The following CMIP variants were observed in gnomAD, a reference collection of about 807,000 sequenced individuals.
CMIP encodes c-Maf inducing protein.
Under a neutral mutation model 97.3 loss-of-function variants are expected in CMIP, and 13 were observed. That is an observed-to-expected ratio of 0.13 (90% CI 0.09 to 0.21). The LOEUF (loss-of-function observed/expected upper bound fraction) is 0.21. Among genes scored for constraint, CMIP ranks in the 10% least tolerant of loss-of-function variants. The pLI is 1.00. For synonymous variants in CMIP, 538 were observed against 436.3 expected, an observed-to-expected ratio of 1.23 and a Z score of -2.91; for missense variants, 847 against 1,024.9, an observed-to-expected ratio of 0.83 and a Z score of 2.37.
chr16:81,702,438 C>T (rs991640190), intron 16 of CMIP, among the ~76,000 whole-genome samples, 184 bp from the exon 17 acceptor site: 3 of 152,022 alleles, frequency 2.0e-5, no homozygotes, highest in Non-Finnish European at 2.9e-5. Context: ...TTGGGATCAC[C>T]CTCCAGTAAA....
At chr16:81,499,539 G>A (rs938524892) in intron 1 of CMIP, among the ~76,000 whole-genome samples, 1 of 152,204 alleles carries the variant, frequency 6.6e-6, no homozygotes, top group Non-Finnish European at 1.5e-5. Flanking sequence ...CTTAGCATCC[G>A]CCTGTCCCGG....
intron 10 of CMIP, among the ~76,000 whole-genome samples, chr16:81,686,986 A>C (rs938085874): frequency 6.6e-6 from 1 of 151,896 alleles, no homozygotes. Flanking sequence ...GCGCCTCCCC[A>C]ACACAGACCA....
chr16:81,534,472 A>G (rs1243678361), intron 1 of CMIP, among the ~76,000 whole-genome samples: 1 of 152,118 alleles, frequency 6.6e-6, no homozygotes, highest in African/African-American at 2.4e-5. Flanking sequence ...TTACTCTCCA[A>G]CTTTTTTTGT....
intron 1 of CMIP, among the ~76,000 whole-genome samples, chr16:81,572,624 AG>A (rs1370812708): frequency 1.3e-5 from 2 of 152,164 alleles, no homozygotes; most frequent in African/African-American, 4.8e-5. Flanking sequence ...CGACTTCCCC[AG>A]GGTGCCCGGC....
chr16:81,664,899 C>T (rs1267886461), intron 7 of CMIP: 4 of 164,718 alleles, frequency 2.4e-5, no homozygotes, highest in Non-Finnish European at 5.2e-5. Context: ...AACCCATCAC[C>T]CCATTCCAAT....
chr16:81,475,174 C>T (rs1167697234), intron 1 of CMIP, among the ~76,000 whole-genome samples: 2 of 152,128 alleles, frequency 1.3e-5, no homozygotes, highest in African/African-American at 4.8e-5. Context: ...CTGTCTCTTT[C>T]TCTCTCTGTC....
chr16:81,711,389 A>G lies in CMIP; in HGVS notation c.*1590A>G, dbSNP rs2151117949. The G allele has an allele frequency of 6.6e-6, 1 of 152,320 alleles. No individual in the cohort carries two copies. 9.4% of individuals were successfully genotyped at this position (152,320 alleles called of 1,614,324 possible). ...CTCATTTTTTTAAAAAAGGAAAAAA[A>G]AAAGAAACTGGGTTCCAGTCTTAAT... is the stretch of plus-strand genomic sequence containing the variant. On this transcript the variant is annotated 3_prime_UTR_variant, in exon 21 of 21. Transcript: ENST00000537098.
At chr16:81,495,075 T>A (rs1188800466) in intron 1 of CMIP, among the ~76,000 whole-genome samples, 1 of 152,216 alleles carries the variant, frequency 6.6e-6, no homozygotes, top group Non-Finnish European at 1.5e-5. Flanking sequence ...TTAGGTGACC[T>A]CTCTGAGCTT....
At chr16:81,675,468 C>T (rs1200045188) in intron 9 of CMIP, among the ~76,000 whole-genome samples, 2 of 151,692 alleles carry the variant, frequency 1.3e-5, no homozygotes, top group African/African-American at 4.8e-5. Flanking sequence ...AAATGCCCCC[C>T]TTAGCCTCCA....
intron 5 of CMIP, among the ~76,000 whole-genome samples, chr16:81,659,675 G>C (rs2092523724): frequency 6.6e-6 from 1 of 152,330 alleles, no homozygotes; most frequent in South Asian, 2.1e-4. Context: ...TGGAGGACAA[G>C]GGCTTGCATT....
At chr16:81,507,857 T>A in intron 1 of CMIP, among the ~76,000 whole-genome samples, 1 of 152,156 alleles carries the variant, frequency 6.6e-6, no homozygotes. Flanking sequence ...GCTGTGAGGG[T>A]AGCACTCAGT....
At chr16:81,580,027 T>G (rs142435932) in intron 1 of CMIP, among the ~76,000 whole-genome samples, 15 of 152,378 alleles carry the variant, frequency 9.8e-5, no homozygotes, top group African/African-American at 3.6e-4. Context: ...TAACTGTGGC[T>G]CAACTTGTCT....
intron 1 of CMIP, among the ~76,000 whole-genome samples, chr16:81,584,011 A>G (rs894501860): frequency 2.0e-5 from 3 of 152,200 alleles, no homozygotes; most frequent in Admixed American, 2.0e-4. Flanking sequence ...GGGCAAGGGA[A>G]GGTGTGGAGG....
chr16:81,466,859 T>A (rs909492699), intron 1 of CMIP, among the ~76,000 whole-genome samples: 1 of 152,190 alleles, frequency 6.6e-6, no homozygotes, highest in African/African-American at 2.4e-5. Context: ...CTGTTGTTCC[T>A]TCACCAAGTT....
intron 1 of CMIP, among the ~76,000 whole-genome samples, chr16:81,590,060 C>T (rs1208069729): frequency 6.6e-6 from 1 of 152,122 alleles, no homozygotes; most frequent in Non-Finnish European, 1.5e-5. Context: ...GGGCACAGAG[C>T]TTCTGAAGCT....
chr16:81,462,142 G>A (rs1464328360), intron 1 of CMIP, among the ~76,000 whole-genome samples: 1 of 151,792 alleles, frequency 6.6e-6, no homozygotes, highest in East Asian at 1.9e-4. Context: ...TTCATTCCTG[G>A]TCTCATTTCC....
At chr16:81,596,141 T>A (rs910608057) in intron 1 of CMIP, among the ~76,000 whole-genome samples, 8 of 152,168 alleles carry the variant, frequency 5.3e-5, no homozygotes, top group African/African-American at 1.9e-4. Context: ...GGCTCAGAGA[T>A]ACCAAGCGAC....
At chr16:81,447,774 G>A (rs904131665) in intron 1 of CMIP, among the ~76,000 whole-genome samples, 4 of 152,236 alleles carry the variant, frequency 2.6e-5, no homozygotes, top group African/African-American at 4.8e-5. Context: ...CCTCTGGTGG[G>A]CTCCAGGGGG....
At chr16:81,447,046 G>A (rs901139996) in intron 1 of CMIP, among the ~76,000 whole-genome samples, 7 of 152,160 alleles carry the variant, frequency 4.6e-5, no homozygotes, top group African/African-American at 1.7e-4. Context: ...TCTCAAGCCC[G>A]TCCCGCGCCA....
Sources: gnomAD v4.1 joint callset for allele counts (sites outside exome capture counted in the v4.1 genomes callset) on GRCh38, gnomAD v4.1.1 for gene constraint, MANE v1.5 for transcripts, NCBI Gene and HGNC (gene_info 2026-07-23, HGNC 2026-07-21) for gene names.